Variants in SH3RF3 observed in about 807,000 individuals in gnomAD.
The protein encoded by SH3RF3 is SH3 domain containing ring finger 3.
In SH3RF3, 29 loss-of-function variants were observed where a neutral mutation model predicts 66.3. That is an observed-to-expected ratio of 0.44 (90% CI 0.33 to 0.60). The LOEUF (loss-of-function observed/expected upper bound fraction) is 0.60. SH3RF3 is among the 20% of genes least tolerant of loss of function. SH3RF3 has a pLI of 0.04. For synonymous variants in SH3RF3, 583 were observed against 532.0 expected, an observed-to-expected ratio of 1.10 and a Z score of -1.32; for missense variants, 1,194 against 1,190.9, an observed-to-expected ratio of 1.00 and a Z score of -0.04.
At chr2:109,338,810 G>A (rs745879266) in intron 1 of SH3RF3, among the ~76,000 whole-genome samples, 2 of 152,182 alleles carry the variant, frequency 1.3e-5, no homozygotes, top group East Asian at 1.9e-4. Flanking sequence ...CACCCGCCTC[G>A]GCCTCCCAAA....
At chr2:109,161,660 G>A (rs1677493204) in intron 1 of SH3RF3, among the ~76,000 whole-genome samples, 1 of 151,906 alleles carries the variant, frequency 6.6e-6, no homozygotes, top group Admixed American at 6.6e-5. Context: ...GCTTGTGGAA[G>A]GCGAAGGGGA....
intron 1 of SH3RF3, among the ~76,000 whole-genome samples, chr2:109,305,376 A>G (rs1681566343): frequency 6.6e-6 from 1 of 151,936 alleles, no homozygotes; most frequent in Non-Finnish European, 1.5e-5. Context: ...GGAGGCCCAT[A>G]CAGGTGTCTC....
chr2:109,263,651 GGAGA>G (rs1246659144), intron 1 of SH3RF3, among the ~76,000 whole-genome samples: 1 of 152,178 alleles, frequency 6.6e-6, no homozygotes, highest in Non-Finnish European at 1.5e-5. Flanking sequence ...GTCTGTCAGT[GGAGA>G]GACTGTACTA....
At chr2:109,155,928 C>G (rs1440820051) in intron 1 of SH3RF3, among the ~76,000 whole-genome samples, 5 of 152,200 alleles carry the variant, frequency 3.3e-5, no homozygotes, top group African/African-American at 4.8e-5. Flanking sequence ...TTGGATCGGG[C>G]TAAGGTTTCC....
Position 109,501,902 on chromosome 2 carries a change from C to T in SH3RF3, c.*231C>T. ...TGTTCTTCAAGGAAATGCCCACCCCCTCTGTGGAAACTGCAAAGAAAGCAC... is the reference window on the plus strand; with the variant it reads ...TGTTCTTCAAGGAAATGCCCACCCCTTCTGTGGAAACTGCAAAGAAAGCAC... On this transcript the variant is annotated 3_prime_UTR_variant, in exon 10 of 10. Transcript: ENST00000309415. 2.0e-6 allele frequency: 1 copy of T among 504,176 alleles called. No homozygotes were observed. 31.2% of individuals were successfully genotyped at this position (504,176 alleles called of 1,614,324 possible).
At chr2:109,221,991 A>C (rs1351884294) in intron 1 of SH3RF3, among the ~76,000 whole-genome samples, 1 of 152,112 alleles carries the variant, frequency 6.6e-6, no homozygotes, top group Admixed American at 6.5e-5. Flanking sequence ...TAAAAAAAAA[A>C]AACACAGGGG....
At chr2:109,268,778 T>C (rs1340368909) in intron 1 of SH3RF3, among the ~76,000 whole-genome samples, 1 of 152,100 alleles carries the variant, frequency 6.6e-6, no homozygotes, top group Non-Finnish European at 1.5e-5. Flanking sequence ...TGATGTCGCC[T>C]ACTATAGGCT....
At chr2:109,349,584 G>C (rs1042670838) in intron 2 of SH3RF3, among the ~76,000 whole-genome samples, 1 of 152,196 alleles carries the variant, frequency 6.6e-6, no homozygotes, top group South Asian at 2.1e-4. Flanking sequence ...AACTCTCAGG[G>C]TCCGGTCAGG....
intron 1 of SH3RF3, among the ~76,000 whole-genome samples, chr2:109,315,418 G>A (rs913677032): frequency 1.3e-5 from 2 of 152,252 alleles, no homozygotes; most frequent in African/African-American, 4.8e-5. Context: ...CCCTATCTCT[G>A]TAGGATAGTT....
intron 5 of SH3RF3, among the ~76,000 whole-genome samples, chr2:109,424,935 T>C (rs1676989190): frequency 1.3e-5 from 2 of 152,214 alleles, no homozygotes; most frequent in African/African-American, 4.8e-5. Flanking sequence ...GGAAGTCATG[T>C]CAAAAGCTGA....
intron 5 of SH3RF3, among the ~76,000 whole-genome samples, chr2:109,422,280 T>G (rs1298329136): frequency 6.6e-6 from 1 of 152,196 alleles, no homozygotes; most frequent in African/African-American, 2.4e-5. Context: ...ATGGGGCTGA[T>G]GTGAAAGTCA....
At position 109,156,204 on chromosome 2, in the gene SH3RF3, G is replaced by A. The variant is rs561209487; in HGVS notation, c.573+26091G>A. On this transcript the variant is annotated intron_variant, in intron 1 of 9. Coordinates refer to ENST00000309415, the MANE Select transcript of SH3RF3 (RefSeq NM_001099289.3). ...TTCTTAACTCAGTGAATTAGCACTC[G>A]GTGTTGAGTTGTGGGTTGAGGGGGC... 4.3e-4 allele frequency among the ~76,000 whole-genome samples: 65 copies of A among 152,310 alleles called. 1 individual carries two copies. In the South Asian group the frequency reaches 7.1e-3, roughly 17 times the overall value.
Position 109,275,537 on chromosome 2 carries a change from G to A in SH3RF3, c.574-72137G>A, listed in dbSNP as rs116761887. On this transcript the variant is annotated intron_variant, in intron 1 of 9. Transcript: ENST00000309415. ...CCGATGACCTAGTTGACTAGAAAGC[G>A]TCACAGGAAATGTGCAAGTTGGCTG... is the stretch of plus-strand genomic sequence containing the variant. Among the ~76,000 whole-genome samples, 546 of 152,250 alleles carry A rather than the reference G, an allele frequency of 3.6e-3. 2 individuals are homozygous for A. The highest frequency in any genetic ancestry group is 0.013 in the African/African-American group (525 of 41,536).
At chr2:109,480,622 C>G (rs1370973194) in intron 8 of SH3RF3, among the ~76,000 whole-genome samples, 1 of 152,270 alleles carries the variant, frequency 6.6e-6, no homozygotes, top group East Asian at 1.9e-4. Flanking sequence ...CTCTGCTGCC[C>G]TGTGGGAGGA....
intron 8 of SH3RF3, among the ~76,000 whole-genome samples, chr2:109,462,868 G>A (rs1678242126): frequency 6.6e-6 from 1 of 152,212 alleles, no homozygotes; most frequent in African/African-American, 2.4e-5. Flanking sequence ...CTGACTGGCA[G>A]ACCATAGTGA....
chr2:109,325,799 TATTACTGCAGGGCA>T (rs1682140518), intron 1 of SH3RF3, among the ~76,000 whole-genome samples: 5 of 152,182 alleles, frequency 3.3e-5, no homozygotes. Flanking sequence ...GCACCCTCCT[TATTACTGCAGGGCA>T]AAGATGCTGG....
rs759655790 is a variant in SH3RF3, at chr2:109,130,058, G to A, written c.518G>A (p.Ser173Asn). ...GTTTTCCTCTCCGCGGCCGCGGGCA[G>A]CACCGCCGGCAGTCTGCGGGAGCTG... is the stretch of plus-strand genomic sequence containing the variant. ...SPVFLSAAAG[S>N]TAGSLRELAT... The change falls in exon 1 of 10, where the codon AGC becomes AAC. Residue 173 changes from serine to asparagine, a missense_variant. By Grantham distance (46) the Ser-to-Asn change is conservative. Coordinates refer to ENST00000309415, the MANE Select transcript of SH3RF3 (RefSeq NM_001099289.3). The A allele has an allele frequency of 4.2e-5, 57 of 1,368,104 alleles. No individual in the cohort carries two copies. The South Asian group carries it at 5.1e-4, about 12-fold the overall frequency. 84.7% of individuals were successfully genotyped at this position (1,368,104 alleles called of 1,614,324 possible).
chr2:109,225,426 C>T (rs192701252), intron 1 of SH3RF3, among the ~76,000 whole-genome samples: 9 of 152,308 alleles, frequency 5.9e-5, no homozygotes, highest in Admixed American at 4.6e-4. Flanking sequence ...GGTTTCACAA[C>T]GATTCTCACA....
chr2:109,394,947 G>A (rs539701252), intron 3 of SH3RF3, among the ~76,000 whole-genome samples: 25 of 152,376 alleles, frequency 1.6e-4, no homozygotes, highest in African/African-American at 5.8e-4. Context: ...ACTGGCAGGC[G>A]AGGGCATCCT....
Sources: allele counts gnomAD v4.1 joint callset (sites outside exome capture counted in the v4.1 genomes callset), GRCh38; gene constraint gnomAD v4.1.1; transcripts MANE v1.5; gene names NCBI Gene and HGNC (gene_info 2026-07-23, HGNC 2026-07-21).